The following ZNF813 variants were observed in gnomAD, a reference collection of about 807,000 sequenced individuals.
ZNF813 encodes zinc finger protein 813.
A neutral mutation model predicts 7.2 loss-of-function variants in ZNF813; 3 were observed. The observed-to-expected ratio is 0.42, with a 90% CI of 0.19 to 1.08. The LOEUF (loss-of-function observed/expected upper bound fraction) is 1.08, where lower values mean the gene tolerates loss of function less well. Among genes scored for constraint, ZNF813 ranks in the 50% least tolerant of loss-of-function variants. The pLI is 0.30. For synonymous variants in ZNF813, 227 were observed against 256.3 expected (o/e 0.89, Z 1.09); for missense variants, 714 against 753.3 (o/e 0.95, Z 0.61).
At chr19:53,474,618 A>G (rs1426650798) in intron 1 of ZNF813, among the ~76,000 whole-genome samples, 9 of 152,100 alleles carry the variant, frequency 5.9e-5, no homozygotes, top group African/African-American at 2.2e-4. Flanking sequence ...GAACCCGGGA[A>G]GCAGAGGTTG....
intron 1 of ZNF813, among the ~76,000 whole-genome samples, chr19:53,469,163 A>G (rs1424087088): frequency 5.9e-5 from 9 of 152,194 alleles, no homozygotes; most frequent in Admixed American, 1.3e-4. Context: ...TTGATTCAAT[A>G]CAGCACATGT....
Position 53,480,282 on chromosome 19 carries a change from G to A in ZNF813, c.-73-3468G>A, listed in dbSNP as rs1446635750. The A allele has an allele frequency of 2.7e-5, 20 of 737,392 alleles. No individual in the cohort carries two copies. In the African/African-American group the frequency reaches 3.4e-4, roughly 13 times the overall value. 45.7% of individuals were successfully genotyped at this position (737,392 alleles called of 1,614,324 possible). ...CTGCCTCTTCCTGGAGATTCCAGCT[G>A]GGCTAGAGGCTGAGAACCTTTGCAA... is the stretch of plus-strand genomic sequence containing the variant. On this transcript the variant is annotated intron_variant, in intron 1 of 3. Transcript: ENST00000396403.
chr19:53,480,898 A>G (rs756048174), intron 1 of ZNF813, among the ~76,000 whole-genome samples: 7 of 152,140 alleles, frequency 4.6e-5, no homozygotes, highest in Non-Finnish European at 8.8e-5. Flanking sequence ...ATGAGAAAAG[A>G]CAAGTTAAGA....
At position 53,490,423 on chromosome 19, in the gene ZNF813, G is replaced by A. The variant is rs2086453713; in HGVS notation, c.191G>A (p.Gly64Asp). ...AAGGAGTTCTCATCAACAGCACAAG[G>A]CAATAGAGAAGTGATCCACACAGGG... is the stretch of plus-strand genomic sequence containing the variant. Reference protein sequence around the residue: ...MMKEFSSTAQGNREVIHTGTL... With the variant: ...MMKEFSSTAQDNREVIHTGTL... The change falls in exon 4 of 4, where the codon GGC becomes GAC. Residue 64 changes from glycine (G) to aspartate (D), a missense_variant. Transcript: ENST00000396403. 1.2e-6 allele frequency: 2 copies of A among 1,613,880 alleles called. No homozygotes were observed. The highest frequency in any genetic ancestry group is 4.5e-5 in the East Asian group (2 of 44,880).
intron 1 of ZNF813, among the ~76,000 whole-genome samples, chr19:53,474,884 T>G (rs1466000398): frequency 6.6e-6 from 1 of 152,114 alleles, no homozygotes; most frequent in Admixed American, 6.5e-5. Flanking sequence ...TGATTTGGAG[T>G]ATAACTTGGG....
In ZNF813 at chr19:53,472,607, C is replaced by CTTTTTTTTTTTTTTTTTTTTTT. The variant is rs200658542; in HGVS notation, c.-74+4821_-74+4822insTTTTTTTTTTTTTTTTTTTTTT. Among the ~76,000 whole-genome samples the CTTTTTTTTTTTTTTTTTTTTTT allele has an allele frequency of 2.9e-5, 4 of 136,462 alleles. 1 individual carries two copies. The highest frequency in any genetic ancestry group is 8.3e-5 in the African/African-American group (3 of 36,080). 89.5% of individuals were successfully genotyped at this position (136,462 alleles called of 152,430 possible). On this transcript the variant is annotated intron_variant, in intron 1 of 3. Coordinates refer to ENST00000396403, the MANE Select transcript of ZNF813 (RefSeq NM_001004301.4). ...AGATGGTCTGATTATAAGTACAAGT[C>CTTTTTTTTTTTTTTTTTTTTTT]TTTCTTTTTTTTTTTTTTTTTTGAG...
At chr19:53,476,628 CA>C (rs34399793) in intron 1 of ZNF813, among the ~76,000 whole-genome samples, 52,138 of 138,006 alleles carry the variant, frequency 0.38, 9,660 homozygotes, top group East Asian at 0.46. Flanking sequence ...GACTCCATCT[CA>C]AAAAAAAAAA....
intron 3 of ZNF813, 43 bp from the exon 4 acceptor site, chr19:53,490,332 A>T: frequency 6.3e-7 from 1 of 1,597,380 alleles, no homozygotes; most frequent in Admixed American, 1.7e-5. Flanking sequence ...ATTATTTACC[A>T]TCTGTACTGA....
intron 2 of ZNF813, among the ~76,000 whole-genome samples, chr19:53,485,689 T>G (rs768070910): frequency 9.2e-5 from 14 of 152,070 alleles, no homozygotes; most frequent in Non-Finnish European, 1.6e-4. Flanking sequence ...ATTTTCATAC[T>G]TTGAGAAATC....
In ZNF813 at chr19:53,492,902, A is replaced by G; in HGVS notation, c.*816A>G. On this transcript the variant is annotated 3_prime_UTR_variant, in exon 4 of 4. Transcript: ENST00000396403. Reference sequence around the variant, plus strand: ...GTGTGATGATTGTGGCAAAGCCTTTACTTCACGTTCACACCTCCTTAGACA... The same window carrying G: ...GTGTGATGATTGTGGCAAAGCCTTTGCTTCACGTTCACACCTCCTTAGACA... 4 of 485,652 alleles carry G rather than the reference A, an allele frequency of 8.2e-6. No individual in the cohort carries two copies. Among genetic ancestry groups the G allele is most frequent in the Non-Finnish European group, 1.7e-5 (4 of 236,866 alleles). The allele number at this position is 485,652 out of a possible 1,614,324, so 30.1% of individuals were successfully genotyped here.
chr19:53,491,084 T>A lies in ZNF813; in HGVS notation c.852T>A (p.Tyr284Ter), dbSNP rs1300275635. ...NECGKTFSQT[Y>*]SLTCHRRLHT... ...GTGGCAAGACTTTCAGTCAGACGTATTCCCTTACATGCCATCGTAGACTTC... is the reference window on the plus strand; with the variant it reads ...GTGGCAAGACTTTCAGTCAGACGTAATCCCTTACATGCCATCGTAGACTTC... The change falls in exon 4 of 4, where the codon TAT (tyrosine) becomes TAA (stop). Residue 284 changes from tyrosine to a stop codon, truncating the protein, a stop_gained. Coordinates refer to ENST00000396403, the MANE Select transcript of ZNF813 (RefSeq NM_001004301.4). LOFTEE classifies it low-confidence loss of function (END_TRUNC). 3.1e-6 allele frequency: 5 copies of A among 1,613,266 alleles called. No individual in the cohort carries two copies. Among genetic ancestry groups the A allele is most frequent in the Non-Finnish European group, 4.2e-6 (5 of 1,179,760 alleles).
rs1381070143 is a variant in ZNF813, at chr19:53,468,288, G to A, written c.-74+499G>A. ...TCCTAGGTCTCCCCTCCGCAGTCAC[G>A]GCTTCCCCTGAGCCCACGTTGGGGA... is the stretch of plus-strand genomic sequence containing the variant. On this transcript the variant is annotated intron_variant, in intron 1 of 3. Transcript: ENST00000396403. 2.2e-5 allele frequency among the ~76,000 whole-genome samples: 3 copies of A among 138,088 alleles called. No individual in the cohort carries two copies. In the Admixed American group the frequency reaches 2.4e-4, roughly 11 times the overall value. 90.6% of individuals were successfully genotyped at this position (138,088 alleles called of 152,430 possible). A position where few individuals can be genotyped will look rare whatever the true frequency, so the allele number is the denominator to read the frequency against.
chr19:53,471,531 T>C (rs2086358844), intron 1 of ZNF813, among the ~76,000 whole-genome samples: 1 of 152,156 alleles, frequency 6.6e-6, no homozygotes, highest in African/African-American at 2.4e-5. Context: ...GGCTTAAGGC[T>C]GGGTGCGGTG....
At chr19:53,478,797 C>CA (rs1159645142) in intron 1 of ZNF813, among the ~76,000 whole-genome samples, 2 of 149,934 alleles carry the variant, frequency 1.3e-5, no homozygotes, top group South Asian at 4.2e-4. Flanking sequence ...AGCAAGCAAA[C>CA]AAAAAATAAA....
intron 3 of ZNF813, among the ~76,000 whole-genome samples, chr19:53,487,378 A>G (rs1254363517): frequency 1.3e-5 from 2 of 151,958 alleles, no homozygotes; most frequent in Non-Finnish European, 2.9e-5. Context: ...TTTTGTGTAG[A>G]CATGCTTTGA....
chr19:53,471,759 C>A (rs1349063712), intron 1 of ZNF813, among the ~76,000 whole-genome samples: 1 of 142,288 alleles, frequency 7.0e-6, no homozygotes, highest in Non-Finnish European at 1.5e-5. Flanking sequence ...TTGCAGTGAG[C>A]CGAGATCACG....
chr19:53,477,877 G>A (rs1044284895), intron 1 of ZNF813, among the ~76,000 whole-genome samples: 2 of 152,044 alleles, frequency 1.3e-5, no homozygotes, highest in Non-Finnish European at 2.9e-5. Context: ...AGTTCACTGG[G>A]TATGATTACT....
chr19:53,480,493 T>A (rs1461697333), intron 1 of ZNF813, among the ~76,000 whole-genome samples: 1 of 152,216 alleles, frequency 6.6e-6, no homozygotes, highest in Non-Finnish European at 1.5e-5. Flanking sequence ...TGTTAGATTT[T>A]TGAAAGACAA....
At chr19:53,489,411 G>GGCC (rs1252000676) in intron 3 of ZNF813, among the ~76,000 whole-genome samples, 23 of 151,932 alleles carry the variant, frequency 1.5e-4, no homozygotes, top group South Asian at 4.1e-4. Flanking sequence ...ACCACAGCCT[G>GGCC]GCCAACATGG....
Sources: allele counts gnomAD v4.1 joint callset (sites outside exome capture counted in the v4.1 genomes callset), GRCh38; gene constraint gnomAD v4.1.1; transcripts MANE v1.5; gene names NCBI Gene and HGNC (gene_info 2026-07-23, HGNC 2026-07-21).